Variants in RPTOR observed in about 807,000 individuals in gnomAD.
RPTOR encodes regulatory-associated protein of mTOR.
RPTOR carries 21 observed loss-of-function variants against 169.9 expected under a neutral mutation model. The ratio of observed to expected loss-of-function variants is 0.12; its 90% CI spans 0.09 to 0.18. RPTOR has a LOEUF of 0.18. Ranked by LOEUF, RPTOR falls within the 10% of genes least tolerant of loss-of-function variation. The pLI is 1.00. For synonymous variants in RPTOR, 732 were observed against 753.2 expected (o/e 0.97, Z 0.46); for missense variants, 1,133 against 1,855.9 (o/e 0.61, Z 7.16).
chr17:80,781,996 G>C (rs981680128), intron 6 of RPTOR, among the ~76,000 whole-genome samples: 1 of 152,214 alleles, frequency 6.6e-6, no homozygotes, highest in Non-Finnish European at 1.5e-5. Flanking sequence ...GAGCCACCTC[G>C]GTTTTGTCCC....
chr17:80,904,117 A>G (rs11869919), intron 20 of RPTOR, among the ~76,000 whole-genome samples: 7,038 of 152,254 alleles, frequency 0.046, 552 homozygotes, highest in African/African-American at 0.16. Context: ...GGGCAGCTGC[A>G]GGGCCCACGG....
intron 1 of RPTOR, among the ~76,000 whole-genome samples, chr17:80,615,911 G>C (rs777936520): frequency 2.0e-5 from 3 of 152,092 alleles, no homozygotes; most frequent in Non-Finnish European, 2.9e-5. Flanking sequence ...TCCACCTCCC[G>C]CGTCTATTTG....
At chr17:80,886,844 A>G (rs1598379061) in intron 17 of RPTOR, among the ~76,000 whole-genome samples, 1 of 152,342 alleles carries the variant, frequency 6.6e-6, no homozygotes. Flanking sequence ...CAGGGCGTGT[A>G]GAGGGGGATG....
chr17:80,570,718 C>T (rs764707821), intron 1 of RPTOR, among the ~76,000 whole-genome samples: 3 of 152,158 alleles, frequency 2.0e-5, no homozygotes, highest in Admixed American at 6.5e-5. Flanking sequence ...GCCTCGGCCT[C>T]CCAAAGTGCT....
In RPTOR at chr17:80,545,750, G is replaced by C; in HGVS notation, c.121G>C (p.Gly41Arg). ...AAAGAGGCACTGTGAGAAAATTGAA[G>C]GCTCCAAATCCTTAGCTCAGAGCTG... Reference protein sequence around the residue: ...MKKRHCEKIEGSKSLAQSWRM... With the variant: ...MKKRHCEKIERSKSLAQSWRM... The change falls in exon 1 of 34, where the codon GGC (glycine) becomes CGC (arginine). Residue 41 changes from glycine (G) to arginine (R), a missense_variant. Physicochemically the swap from Gly to Arg is moderately radical, Grantham distance 125 (BLOSUM62 -2). Coordinates refer to ENST00000306801, the MANE Select transcript of RPTOR (RefSeq NM_020761.3). 2 of 1,613,800 alleles carry C rather than the reference G, an allele frequency of 1.2e-6. No individual in the cohort carries two copies. Among genetic ancestry groups the C allele is most frequent in the Non-Finnish European group, 1.7e-6 (2 of 1,179,878 alleles).
chr17:80,614,920 A>G (rs2065297948), intron 1 of RPTOR, among the ~76,000 whole-genome samples: 1 of 152,086 alleles, frequency 6.6e-6, no homozygotes, highest in African/African-American at 2.4e-5. Context: ...GCTATTTGTT[A>G]TTTCACGTTG....
intron 1 of RPTOR, among the ~76,000 whole-genome samples, chr17:80,561,641 C>T (rs977943640): frequency 1.3e-5 from 2 of 151,874 alleles, no homozygotes; most frequent in Non-Finnish European, 2.9e-5. Flanking sequence ...CCATGTTGCC[C>T]AGGCTGGTCT....
At chr17:80,940,692 G>C in intron 25 of RPTOR, 91 bp downstream of exon 25, 1 of 1,030,810 alleles carries the variant, frequency 9.7e-7, no homozygotes, top group Admixed American at 2.2e-5. Flanking sequence ...CGCGGCCCAC[G>C]CACAACCTTC....
At chr17:80,942,379 G>A (rs60180082) in intron 25 of RPTOR, among the ~76,000 whole-genome samples, 3,099 of 149,146 alleles carry the variant, frequency 0.021, 51 homozygotes, top group East Asian at 0.087. Flanking sequence ...AAACAGAGCC[G>A]GCATTCGAGA....
At chr17:80,939,702 C>T (rs1177756691) in intron 24 of RPTOR, among the ~76,000 whole-genome samples, 1 of 152,208 alleles carries the variant, frequency 6.6e-6, no homozygotes, top group Non-Finnish European at 1.5e-5. Flanking sequence ...TAAGCTCCCT[C>T]ATCTTCCAGC....
intron 1 of RPTOR, among the ~76,000 whole-genome samples, chr17:80,561,263 G>GTGTATATATATATATATATATA (rs1297941814): frequency 9.2e-4 from 18 of 19,628 alleles, no homozygotes; most frequent in African/African-American, 1.6e-3. Flanking sequence ...ATATATATAT[G>GTGTATATATATATATATATATA]TATATATATA....
At chr17:80,866,879 C>T (rs1203134220) in intron 13 of RPTOR, among the ~76,000 whole-genome samples, 1 of 152,144 alleles carries the variant, frequency 6.6e-6, no homozygotes, top group Non-Finnish European at 1.5e-5. Context: ...GTGCCTGTCA[C>T]TACAAGTGGA....
intron 20 of RPTOR, among the ~76,000 whole-genome samples, chr17:80,905,811 G>GT (rs973106699): frequency 1.4e-4 from 22 of 152,176 alleles, no homozygotes; most frequent in Non-Finnish European, 2.8e-4. Flanking sequence ...GCCGCCGGGA[G>GT]TGGGGGGCCT....
rs2065390706 is a variant in RPTOR at position 80,625,931 on chromosome 17, C to T, written c.265+138C>T. 4.7e-6 allele frequency: 3 copies of T among 635,242 alleles called. No individual in the cohort carries two copies. In the Admixed American group the frequency reaches 8.3e-5, roughly 18 times the overall value. 39.4% of individuals were successfully genotyped at this position (635,242 alleles called of 1,614,324 possible). On this transcript the variant is annotated intron_variant, in intron 2 of 33. Coordinates refer to ENST00000306801, the MANE Select transcript of RPTOR (RefSeq NM_020761.3). Reference sequence around the variant, plus strand: ...TCTGAGGGGTTTTTCTTTCTGGAGTCACATCACCTTTGAGTAATTTCCGAT... The same window carrying T: ...TCTGAGGGGTTTTTCTTTCTGGAGTTACATCACCTTTGAGTAATTTCCGAT...
At chr17:80,912,463 A>C (rs2068624373) in intron 21 of RPTOR, among the ~76,000 whole-genome samples, 2 of 152,184 alleles carry the variant, frequency 1.3e-5, no homozygotes, top group South Asian at 2.1e-4. Flanking sequence ...TTACTGAAAA[A>C]TTAGCCTGAA....
chr17:80,669,106 A>G (rs1598207379), intron 3 of RPTOR, among the ~76,000 whole-genome samples: 1 of 152,120 alleles, frequency 6.6e-6, no homozygotes, highest in Admixed American at 6.5e-5. Flanking sequence ...AGGTGGTGGG[A>G]CCTGCCCGTT....
rs1477924278 is a variant in RPTOR, at chr17:80,651,141, C to T, written c.348+7331C>T. ...TTAACTTGGGGACCGTGATACAGAGCGATGCGGAGATGGCTCTGAAGGACA... is the reference window on the plus strand; with the variant it reads ...TTAACTTGGGGACCGTGATACAGAGTGATGCGGAGATGGCTCTGAAGGACA... On this transcript the variant is annotated intron_variant, in intron 3 of 33. Transcript: ENST00000306801. This position sits in a 1 kb window ranked among gnomAD's most constrained non-coding sequence, Gnocchi z 4.1. Among the ~76,000 whole-genome samples the T allele has an allele frequency of 2.0e-5, 3 of 152,080 alleles. No homozygotes were observed. The highest frequency in any genetic ancestry group is 2.1e-4 in the South Asian group (1 of 4,824).
chr17:80,700,336 GT>G (rs1254504628), intron 3 of RPTOR, among the ~76,000 whole-genome samples: 57 of 151,430 alleles, frequency 3.8e-4, no homozygotes, highest in African/African-American at 1.4e-3. Context: ...TGGAGGATAA[GT>G]TGGGAAGTTA....
intron 3 of RPTOR, among the ~76,000 whole-genome samples, chr17:80,692,275 C>CTATGT (rs1322877458): frequency 7.2e-6 from 1 of 139,312 alleles, no homozygotes; most frequent in African/African-American, 2.7e-5. Flanking sequence ...CCATGTCTGG[C>CTATGT]TACGTTATGT....
Sources: allele counts gnomAD v4.1 joint callset (sites outside exome capture counted in the v4.1 genomes callset), GRCh38; gene constraint gnomAD v4.1.1; non-coding constraint Gnocchi (gnomAD v3.1); transcripts MANE v1.5; gene names NCBI Gene and HGNC (gene_info 2026-07-23, HGNC 2026-07-21).